GUCD1: variants seen among roughly 807,000 people sequenced by gnomAD.
The protein encoded by GUCD1 is protein GUCD1.
A neutral mutation model predicts 28.3 loss-of-function variants in GUCD1; 17 were observed. The ratio of observed to expected loss-of-function variants is 0.60; its 90% CI spans 0.41 to 0.90. The LOEUF is 0.90. Ranked by LOEUF, GUCD1 falls within the 40% of genes least tolerant of loss-of-function variation. The pLI, the probability that GUCD1 is intolerant of heterozygous loss-of-function variation, is 0.00. For missense variants in GUCD1, 279 were observed against 305.5 expected (o/e 0.91, Z 0.65); for synonymous variants, 129 against 123.3 (o/e 1.05, Z -0.30).
chr22:24,543,225 A>G lies in GUCD1; in HGVS notation c.629-128T>C, dbSNP rs1341616627. 5 of 685,820 alleles carry G rather than the reference A, an allele frequency of 7.3e-6. No individual in the cohort carries two copies. In the East Asian group the frequency reaches 1.1e-4, roughly 15 times the overall value. The allele number at this position is 685,820 out of a possible 1,614,324, so 42.5% of individuals were successfully genotyped here. Reference sequence around the variant, plus strand: ...CCACATGGCCATTCCTCTCAACTCAAGTCCTCCACCCCCAGGAAGCCCTCC... The same window carrying G: ...CCACATGGCCATTCCTCTCAACTCAGGTCCTCCACCCCCAGGAAGCCCTCC... On this transcript the variant is annotated intron_variant, in intron 5 of 5. Coordinates refer to ENST00000435822, the MANE Select transcript of GUCD1 (RefSeq NM_001284254.2).
intron 5 of GUCD1, 25 bp from the exon 6 acceptor site, chr22:24,543,122 C>T (rs1346197651): frequency 5.1e-6 from 8 of 1,575,834 alleles, no homozygotes; most frequent in East Asian, 2.2e-5. Context: ...GAAGGCAGAA[C>T]GGGGTCAGTG....
intron 1 of GUCD1, among the ~76,000 whole-genome samples, chr22:24,553,858 TG>T (rs2044950657): frequency 6.6e-6 from 1 of 152,218 alleles, no homozygotes; most frequent in African/African-American, 2.4e-5. Flanking sequence ...GTGCTCATGT[TG>T]GGGGTGATAA....
chr22:24,545,959 C>T (rs1015479712), intron 4 of GUCD1, among the ~76,000 whole-genome samples: 4 of 151,154 alleles, frequency 2.6e-5, no homozygotes, highest in African/African-American at 9.7e-5. Context: ...ATTTGCCTTT[C>T]TGTTTCCTTG....
At chr22:24,548,533 T>C (rs2044788197) in intron 2 of GUCD1, among the ~76,000 whole-genome samples, 1 of 152,310 alleles carries the variant, frequency 6.6e-6, no homozygotes, top group South Asian at 2.1e-4. Flanking sequence ...CTACAGTCCC[T>C]CTTGGCTCTC....
intron 3 of GUCD1, 117 bp from the exon 4 acceptor site, chr22:24,547,122 C>A: frequency 1.3e-6 from 1 of 776,878 alleles, no homozygotes; most frequent in East Asian, 2.5e-5. Context: ...CAGAGGAGCC[C>A]CACCTGCCAG....
chr22:24,547,377 C>A, intron 3 of GUCD1: 1 of 226,244 alleles, frequency 4.4e-6, no homozygotes, highest in Non-Finnish European at 8.8e-6. Context: ...TCAGCTACAG[C>A]TTGGCTTAGC....
intron 5 of GUCD1, among the ~76,000 whole-genome samples, chr22:24,543,494 TTTTC>T (rs1409313468): frequency 6.6e-6 from 1 of 152,072 alleles, no homozygotes; most frequent in Non-Finnish European, 1.5e-5. Flanking sequence ...CTGGCCGGGC[TTTTC>T]TTTCTGAGGA....
chr22:24,549,013 CAGAG>C lies in GUCD1; in HGVS notation c.44-16_44-13del. The stretch of plus-strand genomic sequence containing the variant: ...TTGCACAAAGTCCCCTGTGCAGAAA[CAGAG>C]GGAGGTCACAGACCCTCAGCGCAGA... On this transcript the variant is annotated splice_polypyrimidine_tract_variant and intron_variant, in intron 1 of 5. Coordinates refer to ENST00000435822, the MANE Select transcript of GUCD1 (RefSeq NM_001284254.2). 1 of 1,558,910 alleles carries C rather than the reference CAGAG, an allele frequency of 6.4e-7. No homozygotes were observed. The highest frequency in any genetic ancestry group is 8.7e-7 in the Non-Finnish European group (1 of 1,148,972).
At chr22:24,547,082 C>G (rs575565384) in intron 3 of GUCD1, 77 bp from the exon 4 acceptor site, 3 of 1,159,036 alleles carry the variant, frequency 2.6e-6, no homozygotes, top group South Asian at 2.4e-5. Flanking sequence ...AAATAAAGAG[C>G]GTGTTACAGA....
upstream of GUCD1, chr22:24,555,214 C>T (rs2045019291): frequency 1.5e-6 from 2 of 1,308,714 alleles, no homozygotes; most frequent in African/African-American, 3.1e-5. Context: ...GGCCCCGCCC[C>T]AAACTTTGAT....
chr22:24,551,453 A>C (rs904626400), intron 1 of GUCD1, among the ~76,000 whole-genome samples: 1 of 152,112 alleles, frequency 6.6e-6, no homozygotes, highest in Non-Finnish European at 1.5e-5. Flanking sequence ...TAAGGTTCTC[A>C]TCCCTTACCG....
At position 24,542,601 on chromosome 22, in the gene GUCD1, A is replaced by G. The variant is rs954201909; in HGVS notation, c.*405T>C. Reference sequence around the variant, plus strand: ...TTGGGGTCAGCTATGCTGTCTCCAGACACTCACATACTGTCCTGACAAGTG... The same window carrying G: ...TTGGGGTCAGCTATGCTGTCTCCAGGCACTCACATACTGTCCTGACAAGTG... On this transcript the variant is annotated 3_prime_UTR_variant, in exon 6 of 6. Coordinates refer to ENST00000435822, the MANE Select transcript of GUCD1 (RefSeq NM_001284254.2). 2 of 188,118 alleles carry G rather than the reference A, an allele frequency of 1.1e-5. No individual in the cohort carries two copies. The highest frequency in any genetic ancestry group is 5.6e-5 in the Admixed American group (1 of 17,700). The allele number at this position is 188,118 out of a possible 1,614,324, so 11.7% of individuals were successfully genotyped here. A position where few individuals can be genotyped will look rare whatever the true frequency, so the allele number is the denominator to read the frequency against.
chr22:24,555,884 G>A, upstream of GUCD1: 1 of 1,511,394 alleles, frequency 6.6e-7, no homozygotes, highest in Non-Finnish European at 8.9e-7. Flanking sequence ...CCAGCCGGCA[G>A]GCGGAGTGAG....
Position 24,544,002 on chromosome 22 carries a change from G to A in GUCD1, c.468C>T (p.His156=), listed in dbSNP as rs763190109. 5.6e-6 allele frequency: 9 copies of A among 1,614,040 alleles called. No individual in the cohort carries two copies. Among genetic ancestry groups the A allele is most frequent in the African/African-American group, 2.7e-5 (2 of 75,006 alleles). ...AIVLVNSGVL[H]CDLCSSPVKY... is the part of the protein sequence containing the mutation. ...TGACAGGGCTGGAGCACAGGTCACA[G>A]TGCAGCACCCCCGAGTTCACCAGCA... The change falls in exon 5 of 6, where the codon CAC becomes CAT. Residue 156 remains histidine, a synonymous_variant. Coordinates refer to ENST00000435822, the MANE Select transcript of GUCD1 (RefSeq NM_001284254.2).
intron 3 of GUCD1, chr22:24,547,253 A>C (rs2044751387): frequency 6.2e-6 from 3 of 487,532 alleles, no homozygotes; most frequent in South Asian, 6.1e-5. Flanking sequence ...AGCTGGGCTC[A>C]GGTCAGCTCT....
chr22:24,544,675 T>A (rs2044680238), intron 4 of GUCD1, among the ~76,000 whole-genome samples: 1 of 152,182 alleles, frequency 6.6e-6, no homozygotes, highest in South Asian at 2.1e-4. Flanking sequence ...CAGAAGGCAC[T>A]GCCCCATCCT....
chr22:24,548,869 A>C (rs1250789100), intron 2 of GUCD1, 48 bp downstream of exon 2: 1 of 1,402,538 alleles, frequency 7.1e-7, no homozygotes, highest in African/African-American at 1.4e-5. Flanking sequence ...GCCAGAGCAG[A>C]AGATGTAGAT....
intron 1 of GUCD1, 55 bp from the exon 2 acceptor site, chr22:24,549,056 A>C: frequency 7.8e-7 from 1 of 1,282,376 alleles, no homozygotes. Flanking sequence ...CACCACTCCC[A>C]CCCTCATGGG....
chr22:24,547,856 C>T, intron 3 of GUCD1, 52 bp downstream of exon 3: 1 of 1,600,928 alleles, frequency 6.2e-7, no homozygotes, highest in Non-Finnish European at 8.5e-7. Context: ...ACCAGGTGGC[C>T]TTATACCTCT....
Sources: allele counts gnomAD v4.1 joint callset (sites outside exome capture counted in the v4.1 genomes callset), GRCh38; gene constraint gnomAD v4.1.1; transcripts MANE v1.5; gene names NCBI Gene and HGNC (gene_info 2026-07-23, HGNC 2026-07-21).